RIMKLB: variants seen among roughly 807,000 people sequenced by gnomAD.
RIMKLB encodes ribosomal modification protein rimK like family member B, also known as beta-citrylglutamate synthase B.
A neutral mutation model predicts 32.0 loss-of-function variants in RIMKLB; 7 were observed. The observed-to-expected ratio is 0.22, with a 90% CI of 0.12 to 0.41. The LOEUF is 0.41. Among genes scored for constraint, RIMKLB ranks in the 10% least tolerant of loss-of-function variants. The pLI is 1.00. For missense variants in RIMKLB, 289 were observed against 498.7 expected (o/e 0.58, Z 4.00); for synonymous variants, 172 against 185.1 (o/e 0.93, Z 0.57).
chr12:8,678,556 G>A (rs754948222), upstream of RIMKLB, among the ~76,000 whole-genome samples: 4 of 151,910 alleles, frequency 2.6e-5, no homozygotes, highest in African/African-American at 4.8e-5. Flanking sequence ...TCGAACTCCC[G>A]ACTTCAGGTG....
chr12:8,708,088 A>G (rs1359638069), intron 1 of RIMKLB, among the ~76,000 whole-genome samples: 1 of 152,148 alleles, frequency 6.6e-6, no homozygotes, highest in Non-Finnish European at 1.5e-5. Context: ...GTGTGTTACA[A>G]TAGAGTTCTA....
chr12:8,757,917 T>G (rs959043296), intron 5 of RIMKLB, among the ~76,000 whole-genome samples: 1 of 152,158 alleles, frequency 6.6e-6, no homozygotes, highest in African/African-American at 2.4e-5. Context: ...GTAAGGTCGG[T>G]AGACATTAAA....
In RIMKLB at chr12:8,777,102, A is replaced by G. The variant is rs934223262; in HGVS notation, c.*3318A>G. 8.2e-6 allele frequency: 8 copies of G among 981,562 alleles called. No homozygotes were observed. Among genetic ancestry groups the G allele is most frequent in the African/African-American group, 3.6e-5 (2 of 55,698 alleles). The allele number at this position is 981,562 out of a possible 1,614,324, so 60.8% of individuals were successfully genotyped here. ...GGTAACCACTGCTGCTACTGTTTTT[A>G]TTTGTTTGTTTGTTCAATTTTATTT... On this transcript the variant is annotated 3_prime_UTR_variant, in exon 6 of 6. Transcript: ENST00000535829.
At position 8,746,020 on chromosome 12, in the gene RIMKLB, TAC is replaced by T. The variant is rs956580833; in HGVS notation, c.176-3838_176-3837del. 4.6e-5 allele frequency among the ~76,000 whole-genome samples: 7 copies of T among 151,850 alleles called. 1 individual carries two copies. Among genetic ancestry groups the T allele is most frequent in the African/African-American group, 1.5e-4 (6 of 41,170 alleles). On this transcript the variant is annotated intron_variant, in intron 2 of 5. Coordinates refer to ENST00000535829, the MANE Select transcript of RIMKLB (RefSeq NM_001297776.2). ...CCATAAATTAATATTTAAACATAAATACACAGTTTTCACTCCACCAGTATGAC... is the reference window on the plus strand; with the variant it reads ...CCATAAATTAATATTTAAACATAAATACAGTTTTCACTCCACCAGTATGAC...
At chr12:8,673,939 T>C in the RIMKLB span, among the ~76,000 whole-genome samples, 1 of 152,058 alleles carries the variant, frequency 6.6e-6, no homozygotes, top group Non-Finnish European at 1.5e-5. Flanking sequence ...TGAGAGAGTA[T>C]GTGAAGAAAC....
At chr12:8,697,642 C>A, upstream of RIMKLB, 2 of 240,160 alleles carry the variant, frequency 8.3e-6, no homozygotes, top group South Asian at 3.3e-5. Flanking sequence ...GGTTTGGGGG[C>A]GGGTGGGGAG....
chr12:8,698,778 T>C (rs1297561534), intron 1 of RIMKLB, among the ~76,000 whole-genome samples: 1 of 151,488 alleles, frequency 6.6e-6, no homozygotes, highest in African/African-American at 2.4e-5. Context: ...CCGCAGCTAC[T>C]GTATTCGATT....
intron 2 of RIMKLB, among the ~76,000 whole-genome samples, chr12:8,720,183 T>C (rs1342868390): frequency 1.3e-5 from 2 of 152,212 alleles, no homozygotes; most frequent in African/African-American, 2.4e-5. Flanking sequence ...TATAGAACAT[T>C]AAGACATTGA....
At chr12:8,761,949 C>T (rs1949560675) in intron 5 of RIMKLB, among the ~76,000 whole-genome samples, 1 of 152,132 alleles carries the variant, frequency 6.6e-6, no homozygotes, top group Non-Finnish European at 1.5e-5. Context: ...TGGACTGCAT[C>T]TGGGGCCCCA....
At chr12:8,743,677 A>G (rs979094910) in intron 2 of RIMKLB, among the ~76,000 whole-genome samples, 1 of 151,774 alleles carries the variant, frequency 6.6e-6, no homozygotes, top group Non-Finnish European at 1.5e-5. Flanking sequence ...AGCCCTTAAC[A>G]CTGTCACTCT....
Position 8,749,983 on chromosome 12 carries a change from A to T in RIMKLB, c.297A>T (p.Gly99=), listed in dbSNP as rs1167973833. 6.2e-7 allele frequency: 1 copy of T among 1,613,900 alleles called. No individual in the cohort carries two copies. Among genetic ancestry groups the T allele is most frequent in the Non-Finnish European group, 8.5e-7 (1 of 1,179,932 alleles). The change falls in exon 3 of 6, where the codon GGA becomes GGT. Residue 99 remains glycine (G), a synonymous_variant. Transcript: ENST00000535829. ...TTTTGCGCCATCTAGAGAAGATGGG[A>T]TGTCGGTTAATGAACCGACCTCAAG... is the stretch of plus-strand genomic sequence containing the variant. The part of the protein sequence containing the change: ...ITVLRHLEKM[G]CRLMNRPQAI...
chr12:8,668,993 A>G, the RIMKLB span: 4 of 150,072 alleles, frequency 2.7e-5, no homozygotes, highest in East Asian at 7.7e-4. Context: ...TAATATATAT[A>G]TATTTGTAAC....
chr12:8,756,074 G>C (rs1948997062), intron 5 of RIMKLB, among the ~76,000 whole-genome samples: 1 of 150,580 alleles, frequency 6.6e-6, no homozygotes, highest in African/African-American at 2.4e-5. Context: ...AGAATCTCTT[G>C]AACCAGGAGA....
intron 1 of RIMKLB, among the ~76,000 whole-genome samples, chr12:8,686,868 C>T (rs972037771): frequency 2.0e-5 from 3 of 152,054 alleles, no homozygotes; most frequent in African/African-American, 4.8e-5. Context: ...TTGGAGAGGG[C>T]GCCACACAGG....
At chr12:8,691,857 A>G (rs1477137672) in intron 1 of RIMKLB, among the ~76,000 whole-genome samples, 1 of 152,160 alleles carries the variant, frequency 6.6e-6, no homozygotes, top group Non-Finnish European at 1.5e-5. Flanking sequence ...GTAAATGTTC[A>G]CTAATCATTC....
Position 8,705,594 on chromosome 12 carries a change from C to T in RIMKLB, c.-57+7297C>T, listed in dbSNP as rs76202021. ...AAAATTGATGCCCAGTTGTCTGAAT[C>T]GAGTGCCTTAATAAGGATAGGTATA... On this transcript the variant is annotated intron_variant, in intron 1 of 5. Coordinates refer to ENST00000535829, the MANE Select transcript of RIMKLB (RefSeq NM_001297776.2). 5.3e-3 allele frequency among the ~76,000 whole-genome samples: 801 copies of T among 152,080 alleles called. 3 individuals carry two copies. Among genetic ancestry groups the T allele is most frequent in the African/African-American group, 0.018 (760 of 41,500 alleles).
In RIMKLB at chr12:8,718,665, ATATATGTGTGTGTGTG is replaced by A. The variant is rs1232349025; in HGVS notation, c.175+4626_175+4641del. ...TCTCTCTCTCTCTCTATATATATAT[ATATATGTGTGTGTGTG>A]TGTGTGTGTGTGTGTGTGTGTGTGT... On this transcript the variant is annotated intron_variant, in intron 2 of 5. Coordinates refer to ENST00000535829, the MANE Select transcript of RIMKLB (RefSeq NM_001297776.2). Among the ~76,000 whole-genome samples the A allele has an allele frequency of 5.4e-3, 561 of 104,310 alleles. 3 individuals carry two copies. The highest frequency in any genetic ancestry group is 0.018 in the African/African-American group (522 of 28,508). 68.4% of individuals were successfully genotyped at this position (104,310 alleles called of 152,430 possible). A position where few individuals can be genotyped will look rare whatever the true frequency, so the allele number is the denominator to read the frequency against.
chr12:8,735,546 A>G (rs1029817833), intron 2 of RIMKLB, among the ~76,000 whole-genome samples: 1 of 151,284 alleles, frequency 6.6e-6, no homozygotes. Context: ...TTTTTTTTTT[A>G]ATGTAAATAC....
chr12:8,685,007 TG>T (rs1341184843), intron 1 of RIMKLB, among the ~76,000 whole-genome samples: 3 of 152,240 alleles, frequency 2.0e-5, no homozygotes, highest in African/African-American at 2.4e-5. Flanking sequence ...ATCCTGCAAT[TG>T]TGCTAGAATT....
Sources: allele counts gnomAD v4.1 joint callset (sites outside exome capture counted in the v4.1 genomes callset), GRCh38; gene constraint gnomAD v4.1.1; transcripts MANE v1.5; gene names NCBI Gene and HGNC (gene_info 2026-07-23, HGNC 2026-07-21).